ANO1: variants seen among roughly 807,000 people sequenced by gnomAD.
ANO1 encodes the protein anoctamin 1, also known as anoctamin-1.
ANO1 carries 59 observed loss-of-function variants against 124.0 expected under a neutral mutation model. That is an observed-to-expected ratio of 0.48 (90% CI 0.39 to 0.59). The LOEUF (loss-of-function observed/expected upper bound fraction) is 0.59. ANO1 is among the 20% of genes least tolerant of loss of function. The pLI, the probability that ANO1 is intolerant of heterozygous loss-of-function variation, is 0.00. For missense variants in ANO1, 1,059 were observed against 1,328.0 expected (o/e 0.80, Z 3.15); for synonymous variants, 529 against 532.0 (o/e 0.99, Z 0.08).
chr11:70,038,785 G>A (rs1421601262), intron 1 of ANO1, among the ~76,000 whole-genome samples: 1 of 152,206 alleles, frequency 6.6e-6, no homozygotes. Context: ...GCCAAGGTAG[G>A]AAAAACCTCA....
intron 1 of ANO1, among the ~76,000 whole-genome samples, chr11:69,990,697 G>T (rs1856137075): frequency 6.6e-6 from 1 of 150,878 alleles, no homozygotes; most frequent in Admixed American, 6.7e-5. Flanking sequence ...GTGCGAAGTG[G>T]TATATCATTG....
intron 18 of ANO1, among the ~76,000 whole-genome samples, 160 bp from the exon 19 acceptor site, chr11:70,163,123 T>C (rs1315913997): frequency 6.6e-6 from 1 of 152,208 alleles, no homozygotes; most frequent in Non-Finnish European, 1.5e-5. Flanking sequence ...ACCACTGTGG[T>C]CATCTTTTAG....
At chr11:70,166,637 C>T (rs2048265724) in intron 20 of ANO1, among the ~76,000 whole-genome samples, 1 of 152,216 alleles carries the variant, frequency 6.6e-6, no homozygotes, top group South Asian at 2.1e-4. Flanking sequence ...TCCACTTGGG[C>T]ATGACCAGCC....
intron 1 of ANO1, among the ~76,000 whole-genome samples, chr11:69,995,632 T>C (rs1167850940): frequency 8.5e-5 from 13 of 152,200 alleles, no homozygotes; most frequent in Non-Finnish European, 1.8e-4. Context: ...ACTGGAACTT[T>C]CTTCTCATTA....
the ANO1 span, among the ~76,000 whole-genome samples, chr11:69,968,531 A>G: frequency 9.8e-5 from 15 of 152,372 alleles, no homozygotes; most frequent in South Asian, 3.1e-3. Flanking sequence ...ATGTTTACCA[A>G]GGAGCCCTCG....
At chr11:70,181,248 C>G (rs1318602360) in intron 23 of ANO1, among the ~76,000 whole-genome samples, 1 of 152,234 alleles carries the variant, frequency 6.6e-6, no homozygotes, top group Middle Eastern at 3.2e-3. Context: ...CTCCCCAAAG[C>G]TGACGGTCGA....
At chr11:69,977,501 G>T in the ANO1 span, among the ~76,000 whole-genome samples, 1 of 152,220 alleles carries the variant, frequency 6.6e-6, no homozygotes, top group African/African-American at 2.4e-5. Flanking sequence ...CTTTCAAAAT[G>T]AGATGGCCCC....
intron 1 of ANO1, among the ~76,000 whole-genome samples, chr11:70,032,879 A>G (rs1857027587): frequency 6.6e-6 from 1 of 151,118 alleles, no homozygotes; most frequent in Admixed American, 6.6e-5. Context: ...AGGGAGAAAG[A>G]GAAGGAGGGA....
intron 1 of ANO1, chr11:70,085,604 A>G: frequency 6.5e-7 from 1 of 1,535,564 alleles, no homozygotes; most frequent in Non-Finnish European, 8.7e-7. Context: ...TGCCAGGGAC[A>G]TGGCCCCAAC....
chr11:70,126,265 A>G, intron 10 of ANO1, 70 bp downstream of exon 10: 2 of 1,531,920 alleles, frequency 1.3e-6, no homozygotes, highest in Non-Finnish European at 1.8e-6. Context: ...CCAGCTGCAC[A>G]ATTCATTGGG....
At chr11:70,022,926 G>A (rs574900423) in intron 1 of ANO1, among the ~76,000 whole-genome samples, 43 of 152,272 alleles carry the variant, frequency 2.8e-4, no homozygotes, top group Admixed American at 7.2e-4. Flanking sequence ...AAGCAGAGTC[G>A]GGGAAGACAT....
At chr11:70,047,516 A>G (rs1177791962) in intron 1 of ANO1, among the ~76,000 whole-genome samples, 1 of 152,196 alleles carries the variant, frequency 6.6e-6, no homozygotes, top group African/African-American at 2.4e-5. Context: ...TTTCCCTTCA[A>G]TGGGGATAGA....
rs1422578936 is a variant in ANO1, at chr11:70,085,768, CT to C, written c.109-1983del. ...CCTCCACTCGAGGCCTTCCCTCCCC[CT>C]CTCCCCCACTGCAGTGCTGACTGTT... On this transcript the variant is annotated intron_variant, in intron 1 of 25. Coordinates refer to ENST00000355303, the MANE Select transcript of ANO1 (RefSeq NM_018043.7). 3.7e-6 allele frequency: 5 copies of C among 1,365,446 alleles called. No homozygotes were observed. The African/African-American group carries it at 4.4e-5, about 12-fold the overall frequency. The allele number at this position is 1,365,446 out of a possible 1,614,324, so 84.6% of individuals were successfully genotyped here.
At chr11:70,140,685 A>C (rs1360349704) in intron 11 of ANO1, among the ~76,000 whole-genome samples, 1 of 152,190 alleles carries the variant, frequency 6.6e-6, no homozygotes, top group African/African-American at 2.4e-5. Flanking sequence ...AATCATGGGG[A>C]GATATACTCT....
the ANO1 span, among the ~76,000 whole-genome samples, chr11:69,967,361 G>T: frequency 6.6e-6 from 1 of 152,220 alleles, no homozygotes. Context: ...CTAGCATCAG[G>T]CTCTGAGCGT....
intron 5 of ANO1, among the ~76,000 whole-genome samples, chr11:70,107,607 C>T (rs965214698): frequency 1.3e-5 from 2 of 151,994 alleles, no homozygotes; most frequent in Non-Finnish European, 1.5e-5. Flanking sequence ...CTGCATAGCA[C>T]GACCAGTTCT....
intron 1 of ANO1, among the ~76,000 whole-genome samples, chr11:70,059,612 A>AAAGCCTT (rs1857525656): frequency 6.6e-6 from 1 of 152,148 alleles, no homozygotes; most frequent in Non-Finnish European, 1.5e-5. Context: ...TAGGAAAAGG[A>AAAGCCTT]GGAGGCCTGA....
intron 2 of ANO1, among the ~76,000 whole-genome samples, chr11:70,100,558 A>C (rs1352275137): frequency 6.6e-6 from 1 of 152,034 alleles, no homozygotes. Flanking sequence ...GGCCCTGGAG[A>C]CACTTTGACT....
At chr11:69,981,897 C>A (rs1466749096), upstream of ANO1, among the ~76,000 whole-genome samples, 6 of 152,200 alleles carry the variant, frequency 3.9e-5, no homozygotes, top group African/African-American at 1.4e-4. Flanking sequence ...TAATGTGGAG[C>A]AAACTCCAAA....
Sources: allele counts gnomAD v4.1 joint callset (sites outside exome capture counted in the v4.1 genomes callset), GRCh38; gene constraint gnomAD v4.1.1; transcripts MANE v1.5; gene names NCBI Gene and HGNC (gene_info 2026-07-23, HGNC 2026-07-21).